PCDH15: variants seen among roughly 807,000 people sequenced by gnomAD.
The protein encoded by PCDH15 is protocadherin related 15.
A neutral mutation model predicts 178.5 loss-of-function variants in PCDH15; 129 were observed. The ratio of observed to expected loss-of-function variants is 0.72; its 90% CI spans 0.63 to 0.84. The LOEUF is 0.84. Ranked by LOEUF, PCDH15 falls within the 40% of genes least tolerant of loss-of-function variation. PCDH15 has a pLI of 0.00. For synonymous variants in PCDH15, 800 were observed against 732.0 expected (o/e 1.09, Z -1.50); for missense variants, 2,230 against 2,099.9 (o/e 1.06, Z -1.21).
chr10:53,843,417 CCACA>C (rs2077779985), intron 28 of PCDH15, among the ~76,000 whole-genome samples: 1 of 151,744 alleles, frequency 6.6e-6, no homozygotes, highest in African/African-American at 2.4e-5. Context: ...ACATATACCC[CCACA>C]CACACAAAGA....
chr10:55,331,585 G>C (rs896065787), intron 2 of PCDH15, among the ~76,000 whole-genome samples: 2 of 151,956 alleles, frequency 1.3e-5, no homozygotes, highest in Non-Finnish European at 2.9e-5. Flanking sequence ...ACAACATTAT[G>C]GTAACTGTGC....
intron 18 of PCDH15, among the ~76,000 whole-genome samples, chr10:54,055,856 TC>T (rs1460822106): frequency 2.0e-5 from 3 of 152,226 alleles, no homozygotes; most frequent in Non-Finnish European, 4.4e-5. Flanking sequence ...CTTTATCTTC[TC>T]ACTTTCTAAC....
chr10:54,749,655 C>T (rs780680043), intron 1 of PCDH15, among the ~76,000 whole-genome samples: 1 of 152,062 alleles, frequency 6.6e-6, no homozygotes, highest in Non-Finnish European at 1.5e-5. Context: ...AAAAGAAATA[C>T]TCCAGTTACA....
intron 21 of PCDH15, among the ~76,000 whole-genome samples, chr10:53,978,435 A>C (rs373475417): frequency 1.3e-5 from 2 of 152,104 alleles, no homozygotes; most frequent in Non-Finnish European, 1.5e-5. Flanking sequence ...GCTAGGATGC[A>C]GGGAACCAAG....
At chr10:54,202,561 C>T (rs566112160) in intron 10 of PCDH15, among the ~76,000 whole-genome samples, 1 of 152,136 alleles carries the variant, frequency 6.6e-6, no homozygotes, top group African/African-American at 2.4e-5. Context: ...GCCTGTAATC[C>T]TAACACTTTG....
chr10:54,671,614 A>C (rs1490443260), intron 1 of PCDH15, among the ~76,000 whole-genome samples: 1 of 152,218 alleles, frequency 6.6e-6, no homozygotes, highest in Non-Finnish European at 1.5e-5. Flanking sequence ...AAATTTGAAC[A>C]AAAAATAAAA....
Position 54,178,809 on chromosome 10 carries a change from G to A in PCDH15, c.1590+4635C>T, listed in dbSNP as rs901517976. ...AGACATTTATGCAGCCAAAAAACAT[G>A]TGAAAAAATGCTCATCATCACTGGC... is the stretch of plus-strand genomic sequence containing the variant. On this transcript the variant is annotated intron_variant, in intron 13 of 37. Coordinates refer to ENST00000644397, the MANE Select transcript of PCDH15 (RefSeq NM_001384140.1). 3.3e-5 allele frequency among the ~76,000 whole-genome samples: 5 copies of A among 152,152 alleles called. No individual in the cohort carries two copies. The South Asian group carries it at 6.2e-4, about 19-fold the overall frequency.
intron 2 of PCDH15, among the ~76,000 whole-genome samples, chr10:55,120,885 A>C (rs1164847183): frequency 6.6e-6 from 1 of 152,200 alleles, no homozygotes; most frequent in Non-Finnish European, 1.5e-5. Flanking sequence ...CTGTGGAGGC[A>C]TGGCTTTTTC....
chr10:53,805,962 G>A lies in PCDH15; in HGVS notation c.*617C>T, dbSNP rs1841123749. ...ACGACTTCAAGTGGTTTCCTAAAGG[G>A]TCAAGATATAAATGTATTTATGGTA... is the stretch of plus-strand genomic sequence containing the variant. On this transcript the variant is annotated 3_prime_UTR_variant, in exon 38 of 38. Transcript: ENST00000644397. 1 of 151,702 alleles carries A rather than the reference G, an allele frequency of 6.6e-6. No individual in the cohort carries two copies. The highest frequency in any genetic ancestry group is 2.4e-5 in the African/African-American group (1 of 41,054). The allele number at this position is 151,702 out of a possible 1,614,324, so 9.4% of individuals were successfully genotyped here.
intron 8 of PCDH15, among the ~76,000 whole-genome samples, chr10:54,296,468 C>T (rs2059799634): frequency 6.6e-6 from 1 of 152,194 alleles, no homozygotes; most frequent in South Asian, 2.1e-4. Context: ...GGTCCTCATG[C>T]CTGTCAGACA....
intron 13 of PCDH15, among the ~76,000 whole-genome samples, chr10:54,169,459 C>A (rs371694198): frequency 0.25 from 30,965 of 123,006 alleles, 4,503 homozygotes; most frequent in Non-Finnish European, 0.35. Context: ...CAACTTAGAC[C>A]ATACTCTTTT....
chr10:54,951,592 T>C (rs1838340020), intron 2 of PCDH15, among the ~76,000 whole-genome samples: 3 of 151,936 alleles, frequency 2.0e-5, no homozygotes, highest in Admixed American at 2.0e-4. Context: ...TTATGACTGC[T>C]GAATAATATG....
rs1427154044 is a variant in PCDH15, at chr10:54,923,629, G to T, written c.-79-26129C>A. 1.5e-5 allele frequency among the ~76,000 whole-genome samples: 2 copies of T among 137,770 alleles called. 1 individual carries two copies. The highest frequency in any genetic ancestry group is 3.4e-5 in the Non-Finnish European group (2 of 59,270). 90.4% of individuals were successfully genotyped at this position (137,770 alleles called of 152,430 possible). On this transcript the variant is annotated intron_variant, in intron 2 of 5. Coordinates refer to the PCDH15 transcript ENST00000458638. ...GAAATTTCTGCCATCAGATACCCTA[G>T]ATTATCTCTCTCAAGTTCAAAGTTC...
chr10:54,268,876 G>A (rs1346224628), intron 8 of PCDH15, among the ~76,000 whole-genome samples: 2 of 151,676 alleles, frequency 1.3e-5, no homozygotes, highest in African/African-American at 2.4e-5. Flanking sequence ...ACTATCAGAC[G>A]AAGAATGTCT....
intron 1 of PCDH15, among the ~76,000 whole-genome samples, chr10:54,696,165 G>A (rs2095220298): frequency 6.6e-6 from 1 of 151,872 alleles, no homozygotes; most frequent in Non-Finnish European, 1.5e-5. Flanking sequence ...TAAATTATAG[G>A]AGGAGATCAA....
intron 3 of PCDH15, among the ~76,000 whole-genome samples, chr10:54,823,320 CT>C (rs769933198): frequency 5.1e-4 from 78 of 152,080 alleles, no homozygotes; most frequent in Non-Finnish European, 9.8e-4. Context: ...TAAACTGCTC[CT>C]CAACTTCAAC....
intron 2 of PCDH15, among the ~76,000 whole-genome samples, chr10:55,408,191 CTTT>C (rs71014483): frequency 7.0e-6 from 1 of 142,816 alleles, no homozygotes; most frequent in Non-Finnish European, 1.5e-5. Context: ...ATTCTTTTTT[CTTT>C]TTTTTTTTTT....
intron 13 of PCDH15, among the ~76,000 whole-genome samples, chr10:54,164,292 T>C (rs2045992913): frequency 6.6e-6 from 1 of 152,202 alleles, no homozygotes; most frequent in Admixed American, 6.5e-5. Flanking sequence ...GTTAAATATT[T>C]CATCTCTCTG....
At chr10:54,712,996 A>G (rs1398911962) in intron 1 of PCDH15, among the ~76,000 whole-genome samples, 1 of 152,036 alleles carries the variant, frequency 6.6e-6, no homozygotes, top group Admixed American at 6.6e-5. Context: ...GATAGCTTTT[A>G]ATTTCTACCT....
Sources: allele counts gnomAD v4.1 joint callset (sites outside exome capture counted in the v4.1 genomes callset), GRCh38; gene constraint gnomAD v4.1.1; transcripts MANE v1.5; gene names NCBI Gene and HGNC (gene_info 2026-07-23, HGNC 2026-07-21).